The following NBPF9 variants were observed in gnomAD, a reference collection of about 807,000 sequenced individuals.
NBPF9 encodes NBPF family member NBPF9.
A neutral mutation model predicts 97.8 loss-of-function variants in NBPF9; 91 were observed. The observed-to-expected ratio is 0.93, with a 90% confidence interval of 0.79 to 1.11. The LOEUF is 1.11. Ranked by LOEUF, NBPF9 falls within the 50% of genes least tolerant of loss-of-function variation. The probability of loss-of-function intolerance (pLI) is 0.00; values close to 1 mark genes in which losing one functional copy is unlikely to be tolerated. For missense variants in NBPF9, 992 were observed against 939.5 expected (o/e 1.06, Z -0.73); for synonymous variants, 334 against 359.5 (o/e 0.93, Z 0.80).
At chr1:149,052,292 AC>A (rs1435080749), downstream of NBPF9, among the ~76,000 whole-genome samples, 1 of 152,134 alleles carries the variant, frequency 6.6e-6, no homozygotes, top group Non-Finnish European at 1.5e-5. Flanking sequence ...TACTAAGAGA[AC>A]AAATATAAGC....
chr1:149,064,327 T>A, intron 19 of NBPF9, 104 bp downstream of exon 19: 3 of 777,112 alleles, frequency 3.9e-6, no homozygotes, highest in Non-Finnish European at 6.2e-6. Flanking sequence ...TTCATACTTG[T>A]CTGACAAGAC....
intron 5 of NBPF9, among the ~76,000 whole-genome samples, chr1:149,085,212 CTT>C (rs781973948): frequency 1.3e-5 from 2 of 151,596 alleles, no homozygotes; most frequent in East Asian, 1.9e-4. Context: ...GGCTGGAAAA[CTT>C]TTTTTTGATA....
At chr1:149,072,053 GCAGA>G (rs1450217580) in intron 14 of NBPF9, among the ~76,000 whole-genome samples, 31 of 146,620 alleles carry the variant, frequency 2.1e-4, no homozygotes, top group South Asian at 2.3e-4. Flanking sequence ...TCTCTTAGAA[GCAGA>G]CAAACTTGTC....
At chr1:149,067,944 C>A (rs1169855054) in intron 17 of NBPF9, among the ~76,000 whole-genome samples, 2 of 145,436 alleles carry the variant, frequency 1.4e-5, no homozygotes, top group Non-Finnish European at 3.0e-5. Context: ...AAAAGTGTTC[C>A]TATTTCTCCA....
intron 11 of NBPF9, among the ~76,000 whole-genome samples, chr1:149,076,284 G>A (rs1167493054): frequency 4.6e-5 from 7 of 151,076 alleles, no homozygotes; most frequent in African/African-American, 1.7e-4. Context: ...TGCCACCTCT[G>A]CCGCCCGGGT....
intron 15 of NBPF9, 36 bp downstream of exon 15, chr1:149,071,568 A>G (rs782445009): frequency 4.2e-5 from 40 of 956,850 alleles, no homozygotes; most frequent in Non-Finnish European, 6.2e-5. Flanking sequence ...CTCATATGTT[A>G]CCATCCATTA....
Position 149,082,957 on chromosome 1 carries a change from C to CTTTTTTTTTTTTTT in NBPF9, c.-194-541_-194-528dup, listed in dbSNP as rs1157992196. 9.0e-3 allele frequency among the ~76,000 whole-genome samples: 600 copies of CTTTTTTTTTTTTTT among 66,420 alleles called. 6 individuals are homozygous for CTTTTTTTTTTTTTT. The highest frequency in any genetic ancestry group is 0.015 in the Middle Eastern group (1 of 66). 43.6% of individuals were successfully genotyped at this position (66,420 alleles called of 152,430 possible). ...ACCACGCCTGGCTAATTTTTCTTTT[C>CTTTTTTTTTTTTTT]TTTTTTTTTTTTTTTTTTTTTTTTT... On this transcript the variant is annotated intron_variant, in intron 5 of 29. Coordinates refer to ENST00000584027, the Ensembl canonical transcript of NBPF9.
intron 19 of NBPF9, among the ~76,000 whole-genome samples, chr1:149,064,048 G>A (rs3916531): frequency 7.6e-6 from 1 of 131,896 alleles, no homozygotes; most frequent in East Asian, 2.0e-4. Context: ...AGAGCGAGCT[G>A]AGTGATTTGG....
At chr1:149,077,376 G>C in exon 11 of NBPF9, 6 of 1,610,096 alleles carry the variant, frequency 3.7e-6, no homozygotes, top group Non-Finnish European at 5.1e-6. Flanking sequence ...CATTCCTCCA[G>C]TGAGTCCTCA....
intron 15 of NBPF9, among the ~76,000 whole-genome samples, 171 bp downstream of exon 15, chr1:149,071,433 T>G (rs1436376452): frequency 4.0e-5 from 6 of 148,224 alleles, no homozygotes; most frequent in Admixed American, 6.6e-5. Flanking sequence ...TCGGCACACA[T>G]AGAGAAACAT....
chr1:149,097,116 G>A (rs1365502108), intron 4 of NBPF9, among the ~76,000 whole-genome samples: 4 of 150,924 alleles, frequency 2.7e-5, no homozygotes, highest in Non-Finnish European at 4.4e-5. Context: ...GAGGGTGGAA[G>A]GGAAGGAGGG....
intron 11 of NBPF9, among the ~76,000 whole-genome samples, chr1:149,076,753 C>A (rs587668449): frequency 3.4e-4 from 51 of 150,586 alleles, no homozygotes; most frequent in African/African-American, 1.1e-3. Context: ...CCTGATCCAC[C>A]CACCTCGGCC....
intron 17 of NBPF9, among the ~76,000 whole-genome samples, chr1:149,068,270 A>G (rs587739844): frequency 4.7e-5 from 7 of 150,348 alleles, no homozygotes; most frequent in Admixed American, 2.0e-4. Context: ...AAATTCACAC[A>G]TAACAATATT....
At chr1:149,075,946 T>C (rs1364710396) in intron 11 of NBPF9, 82 bp from the exon 12 acceptor site, 4 of 1,011,272 alleles carry the variant, frequency 4.0e-6, no homozygotes, top group South Asian at 2.5e-5. Context: ...GGGATGTCAC[T>C]GGCAGCCTTG....
Position 149,063,529 on chromosome 1 carries a change from T to C in NBPF9, c.2026+104A>G, listed in dbSNP as rs587613041. On this transcript the variant is annotated intron_variant, in intron 20 of 29. Coordinates refer to ENST00000584027, the Ensembl canonical transcript of NBPF9. Reference sequence around the variant, plus strand: ...TACATGTGCCTATAGGTCCTCCCTGTGGCAATGACATCTCTCAGCTCAGTA... The same window carrying C: ...TACATGTGCCTATAGGTCCTCCCTGCGGCAATGACATCTCTCAGCTCAGTA... 8.6e-6 allele frequency: 6 copies of C among 699,936 alleles called. 1 individual carries two copies. The East Asian group carries it at 2.3e-4, about 26-fold the overall frequency. The allele number at this position is 699,936 out of a possible 1,614,324, so 43.4% of individuals were successfully genotyped here. A position where few individuals can be genotyped will look rare whatever the true frequency, so the allele number is the denominator to read the frequency against.
At position 149,102,999 on chromosome 1, in the gene NBPF9, T is replaced by C. The variant is rs1391832870; in HGVS notation, c.-842-152A>G. Among the ~76,000 whole-genome samples the C allele has an allele frequency of 6.6e-4, 100 of 151,710 alleles. 2 individuals are homozygous for C. In the South Asian group the frequency reaches 0.016, roughly 24 times the overall value. The stretch of plus-strand genomic sequence containing the variant: ...TGCGGGGTCAGGGTCCTCCACAGGA[T>C]ACACGAGGACGTGCCCCCGAAGCTG... On this transcript the variant is annotated intron_variant, in intron 1 of 29. Coordinates refer to ENST00000584027, the Ensembl canonical transcript of NBPF9.
At chr1:149,077,802 C>G in intron 10 of NBPF9, 81 bp downstream of exon 10, 2 of 1,581,150 alleles carry the variant, frequency 1.3e-6, no homozygotes, top group East Asian at 2.2e-5. Context: ...TTTGGCCCAC[C>G]ATAGATGCCA....
In NBPF9 at chr1:149,064,537, A is replaced by G. The variant is rs112763009; in HGVS notation, c.1802-55T>C. The G allele has an allele frequency of 3.5e-5, 46 of 1,312,776 alleles. 1 individual carries two copies. The South Asian group carries it at 5.0e-4, about 14-fold the overall frequency. The allele number at this position is 1,312,776 out of a possible 1,614,324, so 81.3% of individuals were successfully genotyped here. On this transcript the variant is annotated intron_variant, in intron 18 of 29. Coordinates refer to ENST00000584027, the Ensembl canonical transcript of NBPF9. ...CATTAAGCAGTCCTTCCTTGCACAC[A>G]GAAACATTCCTCTGTCCAATCCTAA... is the stretch of plus-strand genomic sequence containing the variant.
chr1:149,060,904 C>A, intron 23 of NBPF9: 1 of 394,884 alleles, frequency 2.5e-6, no homozygotes, highest in South Asian at 3.0e-5. Context: ...CACACACACA[C>A]ACACACACAC....
Sources: gnomAD v4.1 joint callset for allele counts (sites outside exome capture counted in the v4.1 genomes callset) on GRCh38, gnomAD v4.1.1 for gene constraint, MANE v1.5 for transcripts, NCBI Gene and HGNC (gene_info 2026-07-23, HGNC 2026-07-21) for gene names.